The following KCNMB3 variants were observed in gnomAD, a reference collection of about 807,000 sequenced individuals.
The protein encoded by KCNMB3 is potassium calcium-activated channel subfamily M regulatory beta subunit 3.
A neutral mutation model predicts 11.9 loss-of-function variants in KCNMB3; 18 were observed. That is an observed-to-expected ratio of 1.51 (90% CI 1.04 to 2.23). KCNMB3 has a LOEUF of 2.23. KCNMB3 is among the 30% of genes most tolerant of loss of function. KCNMB3 has a pLI of 0.00. For synonymous variants in KCNMB3, 78 were observed against 119.2 expected, an observed-to-expected ratio of 0.65 and a Z score of 2.25; for missense variants, 247 against 329.4, an observed-to-expected ratio of 0.75 and a Z score of 1.94.
At position 179,242,928 on chromosome 3, in the gene KCNMB3, G is replaced by C. The variant is rs1725502808; in HGVS notation, c.804C>G (p.Ser268Arg). 1.9e-6 allele frequency: 3 copies of C among 1,606,244 alleles called. No homozygotes were observed. The highest frequency in any genetic ancestry group is 2.2e-5 in the South Asian group (2 of 89,200). ...HQFKLCIMRR[S>R]KGRAEKS ...CTTAAGATTTCTCTGCTCTTCCTTT[G>C]CTCCTCCTCATAATGCACAGTTTGA... The change falls in exon 3 of 3, where the codon AGC (serine) becomes AGG (arginine). Residue 268 changes from serine (S) to arginine (R), a missense_variant. Transcript: ENST00000392685.
At chr3:179,264,743 T>C (rs1033145415) in intron 1 of KCNMB3, among the ~76,000 whole-genome samples, 3 of 152,224 alleles carry the variant, frequency 2.0e-5, no homozygotes, top group African/African-American at 7.2e-5. Context: ...AAACATGCTG[T>C]GGCTCATCAA....
downstream of KCNMB3, chr3:179,240,814 T>C (rs540049243): frequency 1.6e-4 from 24 of 152,296 alleles, no homozygotes; most frequent in African/African-American, 5.8e-4. Flanking sequence ...AACTGCATAT[T>C]GTTAGGTAGA....
rs60270913 is a variant in KCNMB3 at position 179,263,800 on chromosome 3, C to CTTTTTTTTT, written c.62+2840_62+2848dup. Among the ~76,000 whole-genome samples, 60 of 59,962 alleles carry CTTTTTTTTT rather than the reference C, an allele frequency of 1.0e-3. 2 individuals carry two copies. The highest frequency in any genetic ancestry group is 2.6e-3 in the African/African-American group (37 of 14,318). The allele number at this position is 59,962 out of a possible 152,430, so 39.3% of individuals were successfully genotyped here. ...TCTGTTTTGTTTTTCTTTTTCTTTT[C>CTTTTTTTTT]TTTTTTTTTTTTTTTTTTTTTTTGA... On this transcript the variant is annotated intron_variant, in intron 1 of 3. Coordinates refer to the KCNMB3 transcript ENST00000349697.
chr3:179,260,189 G>A lies in KCNMB3; in HGVS notation c.62+6460C>T, dbSNP rs918069460. 10 of 1,612,834 alleles carry A rather than the reference G, an allele frequency of 6.2e-6. No individual in the cohort carries two copies. In the Admixed American group the frequency reaches 8.3e-5, roughly 13 times the overall value. On this transcript the variant is annotated intron_variant, in intron 1 of 3. Coordinates refer to the KCNMB3 transcript ENST00000349697. ...CTGCCTCTCCCACATTCTCTGTGTGGCTCCCACCATCTAAGTCACTCCAAC... is the reference window on the plus strand; with the variant it reads ...CTGCCTCTCCCACATTCTCTGTGTGACTCCCACCATCTAAGTCACTCCAAC...
chr3:179,245,923 A>T (rs950563931), intron 1 of KCNMB3, among the ~76,000 whole-genome samples: 1 of 152,236 alleles, frequency 6.6e-6, no homozygotes, highest in African/African-American at 2.4e-5. Flanking sequence ...AAGAGAAAGG[A>T]CATGTGTATA....
Position 179,243,031 on chromosome 3 carries a change from G to T in KCNMB3, c.701C>A (p.Ser234Tyr). 6.3e-7 allele frequency: 1 copy of T among 1,599,572 alleles called. No individual in the cohort carries two copies. Among genetic ancestry groups the T allele is most frequent in the Non-Finnish European group, 8.5e-7 (1 of 1,173,960 alleles). ...AGTGCTATATTTTTCACACAGTAAG[G>T]ACAGGTGTTGTGTTAATCTCACCAT... ...VGMVRLTQHL[S>Y]LLCEKYSTVV... The change falls in exon 3 of 3, where the codon TCC becomes TAC. Residue 234 changes from serine to tyrosine, a missense_variant. Physicochemically the swap from Ser to Tyr is moderately radical, Grantham distance 144. Around this residue, in one of 2 missense-constraint regions of KCNMB3, gnomAD observed 87 missense variants for 171.9 expected, o/e 0.51. Transcript: ENST00000392685.
In KCNMB3 at chr3:179,266,690, G is replaced by A. The variant is rs754507622; in HGVS notation, c.21C>T (p.Pro7=). 8 of 1,614,038 alleles carry A rather than the reference G, an allele frequency of 5.0e-6. No homozygotes were observed. The African/African-American group carries it at 5.3e-5, about 11-fold the overall frequency. ...GGCTGCCCTGAAGTGTGATTTGCACGGGGATGCTGAAGGGCTGCATGAGGC... is the reference window on the plus strand; with the variant it reads ...GGCTGCCCTGAAGTGTGATTTGCACAGGGATGCTGAAGGGCTGCATGAGGC... Residue 7 remains proline (P), a synonymous_variant, in exon 1 of 4, where the codon CCC becomes CCT. Coordinates refer to the KCNMB3 transcript ENST00000349697.
chr3:179,251,687 G>C (rs2108447606), upstream of KCNMB3: 1 of 1,220,446 alleles, frequency 8.2e-7, no homozygotes, highest in East Asian at 3.1e-5. Context: ...CCAGCCCACA[G>C]ATGTGTTTTG....
At chr3:179,257,853 C>G (rs1186885018) in intron 1 of KCNMB3, among the ~76,000 whole-genome samples, 1 of 146,672 alleles carries the variant, frequency 6.8e-6, no homozygotes, top group Non-Finnish European at 1.5e-5. Flanking sequence ...GCTAGGGTTA[C>G]AGGCATGAAA....
upstream of KCNMB3, chr3:179,251,160 A>T: frequency 6.2e-7 from 1 of 1,613,094 alleles, no homozygotes; most frequent in East Asian, 2.2e-5. Flanking sequence ...GTAGCAAACA[A>T]GCCTAAGAAA....
upstream of KCNMB3, among the ~76,000 whole-genome samples, chr3:179,254,795 G>A (rs1050462115): frequency 5.9e-5 from 9 of 151,862 alleles, no homozygotes; most frequent in East Asian, 5.8e-4. Flanking sequence ...AGCAAGACTC[G>A]TCTCAAATAA....
At chr3:179,258,025 C>T (rs1430489523) in intron 1 of KCNMB3, among the ~76,000 whole-genome samples, 1 of 152,116 alleles carries the variant, frequency 6.6e-6, no homozygotes, top group Non-Finnish European at 1.5e-5. Context: ...GCTGGGATTA[C>T]AGGCGCCCAC....
Position 179,257,893 on chromosome 3 carries a change from TG to T in KCNMB3, c.63-6960del, listed in dbSNP as rs869222290. ...TGTTTTGTGTGTGTGTGTGTGTGTGTGTGTGTTTTTTAGACAGAGTTTCGCT... is the reference window on the plus strand; with the variant it reads ...TGTTTTGTGTGTGTGTGTGTGTGTGTTGTGTTTTTTAGACAGAGTTTCGCT... On this transcript the variant is annotated intron_variant, in intron 1 of 3. Transcript: ENST00000349697. Among the ~76,000 whole-genome samples the T allele has an allele frequency of 1.2e-3, 56 of 47,082 alleles. No individual in the cohort carries two copies. In the East Asian group the frequency reaches 0.16, roughly 131 times the overall value. 30.9% of individuals were successfully genotyped at this position (47,082 alleles called of 152,430 possible).
intron 1 of KCNMB3, among the ~76,000 whole-genome samples, chr3:179,246,043 T>C (rs573311819): frequency 1.4e-4 from 21 of 152,316 alleles, no homozygotes; most frequent in African/African-American, 4.6e-4. Flanking sequence ...CACTCACATA[T>C]AGGTGGACTC....
intron 1 of KCNMB3, 86 bp downstream of exon 1, chr3:179,250,657 A>C: frequency 1.5e-6 from 2 of 1,377,618 alleles, no homozygotes; most frequent in Non-Finnish European, 2.0e-6. Context: ...CAGATTGAGA[A>C]ACCAAAGCCA....
At chr3:179,260,228 A>G in intron 1 of KCNMB3, 3 of 1,613,880 alleles carry the variant, frequency 1.9e-6, no homozygotes, top group Middle Eastern at 1.6e-4. Flanking sequence ...TGGATGGCTC[A>G]AGGGGAGTTC....
At chr3:179,241,039 T>A (rs1374879121), downstream of KCNMB3, 1 of 152,156 alleles carries the variant, frequency 6.6e-6, no homozygotes, top group Non-Finnish European at 1.5e-5. Flanking sequence ...CCAAGAGAAC[T>A]CAGGTAGGGG....
At chr3:179,260,429 C>T in intron 1 of KCNMB3, 7 of 1,613,834 alleles carry the variant, frequency 4.3e-6, no homozygotes, top group Non-Finnish European at 5.9e-6. Context: ...CAGTGAATAC[C>T]TCTATGTCCA....
upstream of KCNMB3, among the ~76,000 whole-genome samples, chr3:179,256,433 C>G (rs959147075): frequency 5.3e-5 from 8 of 150,978 alleles, no homozygotes; most frequent in African/African-American, 1.5e-4. Context: ...AAGACTCCAT[C>G]TCAAAGAAAA....
Sources: allele counts gnomAD v4.1 joint callset (sites outside exome capture counted in the v4.1 genomes callset), GRCh38; gene constraint gnomAD v4.1.1; regional missense constraint gnomAD v4.1.1; transcripts MANE v1.5; gene names NCBI Gene and HGNC (gene_info 2026-07-23, HGNC 2026-07-21).